NELL2: variants seen among roughly 807,000 people sequenced by gnomAD.
NELL2 encodes the protein protein kinase C-binding protein NELL2.
A neutral mutation model predicts 109.6 loss-of-function variants in NELL2; 41 were observed. That is an observed-to-expected ratio of 0.37 (90% confidence interval 0.29 to 0.49). The LOEUF (loss-of-function observed/expected upper bound fraction) is 0.49, where lower values mean the gene tolerates loss of function less well. Ranked by LOEUF, NELL2 falls within the 20% of genes least tolerant of loss-of-function variation. NELL2 has a pLI of 0.98. For synonymous variants in NELL2, 355 were observed against 344.7 expected, an observed-to-expected ratio of 1.03 and a Z score of -0.33; for missense variants, 900 against 1,008.3, an observed-to-expected ratio of 0.89 and a Z score of 1.45.
chr12:44,787,239 CT>C (rs200268387), intron 3 of NELL2, among the ~76,000 whole-genome samples: 30,200 of 151,702 alleles, frequency 0.2, 3,225 homozygotes, highest in South Asian at 0.3. Context: ...GTATTATATA[CT>C]GAAAACAACA....
chr12:44,779,807 C>A (rs1311730059), intron 4 of NELL2, 42 bp downstream of exon 4: 1 of 1,613,242 alleles, frequency 6.2e-7, no homozygotes, highest in Non-Finnish European at 8.5e-7. Context: ...ACAGTCATTT[C>A]TTAGAATCTT....
intron 11 of NELL2, among the ~76,000 whole-genome samples, chr12:44,708,905 T>A (rs1190172046): frequency 1.3e-5 from 2 of 152,312 alleles, no homozygotes; most frequent in African/African-American, 4.8e-5. Context: ...ATTTTTTAAC[T>A]GTAAATAATT....
At chr12:44,695,878 G>A (rs536531970) in intron 12 of NELL2, among the ~76,000 whole-genome samples, 88 of 152,232 alleles carry the variant, frequency 5.8e-4, no homozygotes, top group African/African-American at 1.9e-3. Context: ...CAGCTACTTG[G>A]GAGGCTGAGG....
At chr12:44,612,673 A>G (rs1238361643) in intron 13 of NELL2, among the ~76,000 whole-genome samples, 6 of 151,926 alleles carry the variant, frequency 3.9e-5, no homozygotes, top group Non-Finnish European at 7.4e-5. Flanking sequence ...ATAAATCTAC[A>G]CTTTGAATGA....
At chr12:44,693,392 C>G (rs899294875) in intron 12 of NELL2, among the ~76,000 whole-genome samples, 20 of 152,068 alleles carry the variant, frequency 1.3e-4, no homozygotes, top group African/African-American at 4.8e-4. Context: ...ATATGACTTG[C>G]TTTATTGCAA....
intron 13 of NELL2, among the ~76,000 whole-genome samples, chr12:44,626,039 T>G (rs1396292755): frequency 6.6e-6 from 1 of 152,056 alleles, no homozygotes; most frequent in Non-Finnish European, 1.5e-5. Context: ...CTCTAAAAAA[T>G]GTTTTCCCTA....
Position 44,750,996 on chromosome 12 carries a change from C to G in NELL2, c.994+23751G>C, listed in dbSNP as rs989279862. Reference sequence around the variant, plus strand: ...AATAAAAATCAGGATTTAGCAACAGCCTTTCAGTCCAAAAGAGCAGAATAA... The same window carrying G: ...AATAAAAATCAGGATTTAGCAACAGGCTTTCAGTCCAAAAGAGCAGAATAA... On this transcript the variant is annotated intron_variant, in intron 9 of 19. Transcript: ENST00000429094. Among the ~76,000 whole-genome samples the G allele has an allele frequency of 3.3e-5, 5 of 152,078 alleles. No individual in the cohort carries two copies. In the South Asian group the frequency reaches 6.2e-4, roughly 19 times the overall value.
At chr12:44,519,616 G>A (rs764478122) in intron 19 of NELL2, among the ~76,000 whole-genome samples, 11 of 151,982 alleles carry the variant, frequency 7.2e-5, no homozygotes, top group East Asian at 1.9e-4. Flanking sequence ...TGTATCTTAC[G>A]GACCTTGTAA....
chr12:44,849,562 T>C (rs1944471380), intron 2 of NELL2, among the ~76,000 whole-genome samples: 1 of 152,178 alleles, frequency 6.6e-6, no homozygotes, highest in South Asian at 2.1e-4. Flanking sequence ...CAGTACAAAA[T>C]GGTACAATCA....
rs554433523 is a variant in NELL2, at chr12:44,730,224, T to C, written c.995-15483A>G. On this transcript the variant is annotated intron_variant, in intron 9 of 19. Transcript: ENST00000429094. The stretch of plus-strand genomic sequence containing the variant: ...TCAATTCCCTACTTTTAATCATGAA[T>C]AGAAGATCCAAACAAAAAGTCAATA... 1.9e-4 allele frequency among the ~76,000 whole-genome samples: 29 copies of C among 152,140 alleles called. No individual in the cohort carries two copies. In the South Asian group the frequency reaches 5.8e-3, roughly 30 times the overall value.
chr12:44,551,197 T>C (rs2136166055), intron 15 of NELL2, among the ~76,000 whole-genome samples: 1 of 152,228 alleles, frequency 6.6e-6, no homozygotes, highest in Admixed American at 6.5e-5. Context: ...AATGAAGTGG[T>C]TTAAAAATAT....
chr12:44,690,345 T>C (rs887990664), intron 12 of NELL2, among the ~76,000 whole-genome samples: 2 of 152,198 alleles, frequency 1.3e-5, no homozygotes, highest in Non-Finnish European at 2.9e-5. Context: ...GATAAATTAA[T>C]AAACTCTACA....
intron 10 of NELL2, among the ~76,000 whole-genome samples, chr12:44,712,884 G>C (rs1343833672): frequency 6.6e-6 from 1 of 151,804 alleles, no homozygotes; most frequent in Non-Finnish European, 1.5e-5. Context: ...AAAAAAACTA[G>C]TCCAATAAAA....
chr12:44,684,941 G>T (rs1948663028), intron 12 of NELL2, among the ~76,000 whole-genome samples: 1 of 152,088 alleles, frequency 6.6e-6, no homozygotes, highest in Non-Finnish European at 1.5e-5. Flanking sequence ...GGTCTGCTTG[G>T]TGCAGAGCTG....
intron 12 of NELL2, among the ~76,000 whole-genome samples, chr12:44,671,868 T>G (rs1177458029): frequency 6.6e-6 from 1 of 152,176 alleles, no homozygotes; most frequent in Non-Finnish European, 1.5e-5. Flanking sequence ...CCCCTGGGCT[T>G]AAGCTTGTGA....
At chr12:44,605,138 G>T (rs962281646) in intron 15 of NELL2, among the ~76,000 whole-genome samples, 2 of 151,992 alleles carry the variant, frequency 1.3e-5, no homozygotes, top group Non-Finnish European at 2.9e-5. Flanking sequence ...TGGATTTAAG[G>T]CCCCCCAAAG....
At chr12:44,877,224 G>C (rs1184174358), upstream of NELL2, 1 of 152,708 alleles carries the variant, frequency 6.5e-6, no homozygotes, top group East Asian at 1.9e-4. Flanking sequence ...CGAGAGAGAA[G>C]AGCCATCCCA....
At chr12:44,727,073 G>A (rs1470697825) in intron 9 of NELL2, among the ~76,000 whole-genome samples, 1 of 152,098 alleles carries the variant, frequency 6.6e-6, no homozygotes, top group South Asian at 2.1e-4. Context: ...TTCTGCATAT[G>A]TAACCAGGCC....
intron 1 of NELL2, among the ~76,000 whole-genome samples, chr12:44,886,269 G>A (rs1945472897): frequency 1.3e-5 from 2 of 151,940 alleles, no homozygotes; most frequent in African/African-American, 2.4e-5. Context: ...TGTGACTTGG[G>A]TTAGGCAAAG....
Sources: gnomAD v4.1 joint callset for allele counts (sites outside exome capture counted in the v4.1 genomes callset) on GRCh38, gnomAD v4.1.1 for gene constraint, MANE v1.5 for transcripts, NCBI Gene and HGNC (gene_info 2026-07-23, HGNC 2026-07-21) for gene names.